ZYG11B: variants seen among roughly 807,000 people sequenced by gnomAD.
The protein encoded by ZYG11B is zyg-11 family member B, cell cycle regulator, also known as protein zyg-11 homolog B.
ZYG11B carries 36 observed loss-of-function variants against 82.4 expected under a neutral mutation model. That is an observed-to-expected ratio of 0.44 (90% CI 0.33 to 0.58). ZYG11B has a LOEUF of 0.58. ZYG11B is among the 20% of genes least tolerant of loss of function. The pLI, the probability that ZYG11B is intolerant of heterozygous loss-of-function variation, is 0.02. For missense variants in ZYG11B, 552 were observed against 895.6 expected, an observed-to-expected ratio of 0.62 and a Z score of 4.90; for synonymous variants, 303 against 312.8, an observed-to-expected ratio of 0.97 and a Z score of 0.33.
At position 52,807,916 on chromosome 1, in the gene ZYG11B, C is replaced by CT. The variant is rs547826309; in HGVS notation, c.1696-5616dup. Among the ~76,000 whole-genome samples, 15 of 152,254 alleles carry CT rather than the reference C, an allele frequency of 9.9e-5. No homozygotes were observed. In the East Asian group the frequency reaches 2.9e-3, roughly 29 times the overall value. On this transcript the variant is annotated intron_variant, in intron 10 of 13. Coordinates refer to ENST00000294353, the MANE Select transcript of ZYG11B (RefSeq NM_024646.3). The stretch of plus-strand genomic sequence containing the variant: ...ACTTAACCTTTGTTTTTGAAAGATA[C>CT]TTTTACCAGGTATATAATTCTAAAT...
At chr1:52,798,567 C>T (rs367707713) in intron 8 of ZYG11B, among the ~76,000 whole-genome samples, 10 of 151,148 alleles carry the variant, frequency 6.6e-5, no homozygotes, top group East Asian at 2.0e-4. Flanking sequence ...GCCGTGATGA[C>T]GCCACTGCAC....
chr1:52,817,777 GTATATA>G lies in ZYG11B; in HGVS notation c.2044+1182_2044+1187del, dbSNP rs869260265. 8.4e-4 allele frequency among the ~76,000 whole-genome samples: 35 copies of G among 41,526 alleles called. 1 individual carries two copies. The highest frequency in any genetic ancestry group is 2.6e-3 in the Admixed American group (6 of 2,296). 27.2% of individuals were successfully genotyped at this position (41,526 alleles called of 152,430 possible). On this transcript the variant is annotated intron_variant, in intron 13 of 13. Coordinates refer to ENST00000294353, the MANE Select transcript of ZYG11B (RefSeq NM_024646.3). The stretch of plus-strand genomic sequence containing the variant: ...AATAGTAAAGTGTGTATATATATGT[GTATATA>G]TATATATATATATATATATATATAT...
chr1:52,813,289 C>T (rs1022121918), intron 10 of ZYG11B, among the ~76,000 whole-genome samples: 1 of 152,140 alleles, frequency 6.6e-6, no homozygotes, highest in African/African-American at 2.4e-5. Context: ...GCACTCTGTT[C>T]TACAGAGTTT....
rs1644885917 is a variant in ZYG11B, at chr1:52,783,898, G to GTGTATATACATCTATACATATA, written c.1093-976_1093-975insATATACATCTATACATATATGT. ...CGTGTGTGTATATGTACATACACGT[G>GTGTATATACATCTATACATATA]TGTGTATATACATCTATACATATAT... On this transcript the variant is annotated intron_variant, in intron 4 of 13. Transcript: ENST00000294353. Among the ~76,000 whole-genome samples the GTGTATATACATCTATACATATA allele has an allele frequency of 5.0e-3, 497 of 98,692 alleles. 9 individuals are homozygous for GTGTATATACATCTATACATATA. The highest frequency in any genetic ancestry group is 0.04 in the African/African-American group (462 of 11,584). The allele number at this position is 98,692 out of a possible 152,430, so 64.7% of individuals were successfully genotyped here.
chr1:52,746,301 T>C (rs541557238), intron 1 of ZYG11B, among the ~76,000 whole-genome samples: 3 of 152,154 alleles, frequency 2.0e-5, no homozygotes, highest in Non-Finnish European at 4.4e-5. Context: ...CTTAGTGCAG[T>C]GTCATAATCC....
At position 52,726,530 on chromosome 1, in the gene ZYG11B, A is replaced by C; in HGVS notation, c.-124A>C. 1.1e-6 allele frequency: 1 copy of C among 923,894 alleles called. No individual in the cohort carries two copies. The highest frequency in any genetic ancestry group is 2.9e-5 in the South Asian group (1 of 34,202). The allele number at this position is 923,894 out of a possible 1,614,324, so 57.2% of individuals were successfully genotyped here. A position where few individuals can be genotyped will look rare whatever the true frequency, so the allele number is the denominator to read the frequency against. ...CTGCTACGCTCCTAGCTTGAGGGAA[A>C]GAGGCCGAGGCCTGGGCCAAGCCCG... is the stretch of plus-strand genomic sequence containing the variant. On this transcript the variant is annotated 5_prime_UTR_variant, in exon 1 of 14. Transcript: ENST00000294353.
rs777664508 is a variant in ZYG11B at position 52,771,001 on chromosome 1, G to C, written c.197-19G>C. On this transcript the variant is annotated intron_variant, in intron 2 of 13. Coordinates refer to ENST00000294353, the MANE Select transcript of ZYG11B (RefSeq NM_024646.3). The surrounding 1 kb of genome is among the most constrained non-coding windows in gnomAD (Gnocchi z 5.4). ...TTTAACTGTTTTTTGAATTTAAAAC[G>C]CTGCTTGTTTTTCCACAGGTCTATT... The C allele has an allele frequency of 8.2e-6, 13 of 1,579,786 alleles. No individual in the cohort carries two copies. The highest frequency in any genetic ancestry group is 1.4e-5 in the African/African-American group (1 of 73,492).
chr1:52,740,015 T>C (rs7525360), intron 1 of ZYG11B, among the ~76,000 whole-genome samples: 2,495 of 152,330 alleles, frequency 0.016, 77 homozygotes, highest in African/African-American at 0.056. Context: ...GAGAAGTTAA[T>C]TGACTTTCCT....
intron 10 of ZYG11B, among the ~76,000 whole-genome samples, chr1:52,806,848 T>A (rs910924097): frequency 6.6e-6 from 1 of 151,898 alleles, no homozygotes; most frequent in South Asian, 2.1e-4. Flanking sequence ...ATAAAAATAA[T>A]AATTGTGTAT....
At chr1:52,780,066 G>T in intron 4 of ZYG11B, 73 bp downstream of exon 4, 4 of 1,466,066 alleles carry the variant, frequency 2.7e-6, no homozygotes, top group African/African-American at 1.4e-5. Context: ...AAGAAAATTG[G>T]TGAAAATTTG....
intron 4 of ZYG11B, among the ~76,000 whole-genome samples, chr1:52,782,763 CACACTATGTT>C (rs1644867219): frequency 6.6e-6 from 1 of 151,450 alleles, no homozygotes; most frequent in Admixed American, 6.6e-5. Context: ...AGACGGGGGT[CACACTATGTT>C]ACACAGGCTA....
At chr1:52,783,391 TG>T (rs1361170621) in intron 4 of ZYG11B, among the ~76,000 whole-genome samples, 2 of 151,964 alleles carry the variant, frequency 1.3e-5, no homozygotes, top group African/African-American at 4.8e-5. Flanking sequence ...AATAAAAAAT[TG>T]ATATAGGAGT....
In ZYG11B at chr1:52,785,047, C is replaced by CCAG. The variant is rs761140614; in HGVS notation, c.1267_1269dup (p.Gln423dup). 6.2e-7 allele frequency: 1 copy of CCAG among 1,612,884 alleles called. No homozygotes were observed. Among genetic ancestry groups the CCAG allele is most frequent in the Non-Finnish European group, 8.5e-7 (1 of 1,179,774 alleles). ...AAGCCATGGAACATTTTCCCAATCA[C>CCAG]CAGCAGGTAAGCTTATGTGAATTCC... On this transcript the variant is annotated inframe_insertion, in exon 5 of 14. Coordinates refer to ENST00000294353, the MANE Select transcript of ZYG11B (RefSeq NM_024646.3).
chr1:52,803,442 GAAA>G (rs57750852), intron 10 of ZYG11B, among the ~76,000 whole-genome samples: 8 of 119,286 alleles, frequency 6.7e-5, no homozygotes, highest in Admixed American at 2.5e-4. Flanking sequence ...CATCTCAAAA[GAAA>G]AAAAAAAAAA....
intron 2 of ZYG11B, among the ~76,000 whole-genome samples, chr1:52,760,373 G>C (rs571949298): frequency 1.3e-5 from 2 of 152,204 alleles, no homozygotes; most frequent in African/African-American, 4.8e-5. Flanking sequence ...TGAACACGGA[G>C]GTGGAGGTTG....
intron 1 of ZYG11B, among the ~76,000 whole-genome samples, chr1:52,749,591 G>A (rs1644504201): frequency 6.6e-6 from 1 of 151,974 alleles, no homozygotes; most frequent in African/African-American, 2.4e-5. Context: ...GATCTTGTGG[G>A]GTTTATTTTT....
At chr1:52,776,229 A>AAAAAAAATATATATATATATATAT in intron 3 of ZYG11B, among the ~76,000 whole-genome samples, 3 of 23,542 alleles carry the variant, frequency 1.3e-4, no homozygotes, top group East Asian at 6.7e-4. Context: ...TAAAAAAAAA[A>AAAAAAAATATATATATATATATAT]ATATATATAT....
intron 13 of ZYG11B, among the ~76,000 whole-genome samples, chr1:52,818,938 A>C (rs1286825153): frequency 1.3e-5 from 2 of 151,750 alleles, no homozygotes; most frequent in African/African-American, 4.8e-5. Flanking sequence ...GGACTACAGG[A>C]ACACGCCACC....
chr1:52,793,472 C>G (rs1428660691), intron 6 of ZYG11B, among the ~76,000 whole-genome samples: 1 of 152,094 alleles, frequency 6.6e-6, no homozygotes, highest in Admixed American at 6.6e-5. Context: ...GCTTGGGCAA[C>G]AAGAGTGAAA....
Sources: allele counts gnomAD v4.1 joint callset (sites outside exome capture counted in the v4.1 genomes callset), GRCh38; gene constraint gnomAD v4.1.1; non-coding constraint Gnocchi (gnomAD v3.1); transcripts MANE v1.5; gene names NCBI Gene and HGNC (gene_info 2026-07-23, HGNC 2026-07-21).